The following LINS1 variants were observed in gnomAD, a reference collection of about 807,000 sequenced individuals.
LINS1 encodes lines homolog 1.
LINS1 carries 27 observed loss-of-function variants against 41.6 expected under a neutral mutation model. That is an observed-to-expected ratio of 0.65 (90% confidence interval 0.48 to 0.89). The LOEUF is 0.89. LINS1 is among the 40% of genes least tolerant of loss of function. LINS1 has a pLI of 0.00. For missense variants in LINS1, 955 were observed against 884.1 expected (o/e 1.08, Z -1.02); for synonymous variants, 336 against 312.9 (o/e 1.07, Z -0.78).
intron 1 of LINS1, among the ~76,000 whole-genome samples, chr15:100,593,569 G>C (rs917388428): frequency 5.1e-5 from 7 of 136,822 alleles, no homozygotes; most frequent in African/African-American, 2.6e-5. Flanking sequence ...TGGGGGGGGG[G>C]GGTGCTTAAT....
chr15:100,572,261 G>A (rs2037873310), intron 5 of LINS1, 196 bp from the exon 6 acceptor site: 1 of 1,399,924 alleles, frequency 7.1e-7, no homozygotes, highest in Non-Finnish European at 9.3e-7. Flanking sequence ...GAAAAAAAGT[G>A]ACTCATTCCA....
At chr15:100,583,380 CTGTTTTAGTCCTTTCA>C (rs1161264497) in intron 1 of LINS1, among the ~76,000 whole-genome samples, 2 of 152,238 alleles carry the variant, frequency 1.3e-5, no homozygotes, top group African/African-American at 2.4e-5. Flanking sequence ...CAAAGCTGCC[CTGTTTTAGTCCTTTCA>C]TGGAGAAATA....
intron 3 of LINS1, among the ~76,000 whole-genome samples, chr15:100,578,245 A>T (rs1449514546): frequency 6.6e-6 from 1 of 151,974 alleles, no homozygotes; most frequent in African/African-American, 2.4e-5. Flanking sequence ...ACAACCTACA[A>T]AATGGGAGAA....
intron 3 of LINS1, among the ~76,000 whole-genome samples, chr15:100,575,933 A>C (rs1276263939): frequency 6.6e-6 from 1 of 152,258 alleles, no homozygotes; most frequent in Non-Finnish European, 1.5e-5. Flanking sequence ...TACTGGGTAC[A>C]TAATGAAATG....
intron 5 of LINS1, chr15:100,572,900 G>A: frequency 1.4e-6 from 1 of 693,130 alleles, no homozygotes; most frequent in Non-Finnish European, 1.8e-6. Flanking sequence ...CTAATTGTAT[G>A]AAGGATTAAT....
In LINS1 at chr15:100,601,625, A is replaced by G. The variant is rs77138809; in HGVS notation, c.-104+496T>C. Among the ~76,000 whole-genome samples, 1,513 of 151,962 alleles carry G rather than the reference A, an allele frequency of 1.0e-2. 30 individuals are homozygous for G. The highest frequency in any genetic ancestry group is 0.034 in the African/African-American group (1,429 of 41,428). On this transcript the variant is annotated intron_variant, in intron 1 of 6. Transcript: ENST00000314742. ...CCATTCTGCTTGATTTTCCTCATAT[A>G]ACCCATCCCTATCTGATAATTTTGT... is the stretch of plus-strand genomic sequence containing the variant.
rs529308171 is a variant in LINS1, at chr15:100,574,182, A to G, written c.691T>C (p.Leu231=). 23 of 1,613,738 alleles carry G rather than the reference A, an allele frequency of 1.4e-5. No individual in the cohort carries two copies. The highest frequency in any genetic ancestry group is 1.7e-5 in the Non-Finnish European group (20 of 1,179,674). The change falls in exon 5 of 7, where the codon TTA becomes CTA. Residue 231 remains leucine, a synonymous_variant. Coordinates refer to ENST00000314742, the MANE Select transcript of LINS1 (RefSeq NM_001040616.3). The part of the protein sequence containing the change: ...DTIFEVFYNS[L]FSQHFENCRD... ...CAGTTTTCAAAATGCTGAGAGAATA[A>G]GGAATTGTAAAACACTTCAAAAATG...
intron 3 of LINS1, among the ~76,000 whole-genome samples, chr15:100,575,670 A>G (rs2038128792): frequency 6.6e-6 from 1 of 152,220 alleles, no homozygotes; most frequent in South Asian, 2.1e-4. Flanking sequence ...TGCACCAAGC[A>G]GACCTAATAG....
chr15:100,583,843 A>T (rs1180502541), intron 1 of LINS1, among the ~76,000 whole-genome samples: 1 of 152,188 alleles, frequency 6.6e-6, no homozygotes, highest in Non-Finnish European at 1.5e-5. Flanking sequence ...ATTAGTCTTC[A>T]TGTTCCACCT....
At chr15:100,586,660 A>G (rs566428800) in intron 1 of LINS1, among the ~76,000 whole-genome samples, 2 of 152,370 alleles carry the variant, frequency 1.3e-5, no homozygotes, top group South Asian at 4.1e-4. Context: ...TGTCTAATTC[A>G]GAAGTTATCT....
intron 3 of LINS1, 117 bp from the exon 4 acceptor site, chr15:100,575,245 C>A: frequency 1.3e-6 from 1 of 777,678 alleles, no homozygotes; most frequent in Non-Finnish European, 2.1e-6. Flanking sequence ...ATGTGGCACA[C>A]CGAGAAGGAA....
At chr15:100,573,626 A>G (rs765762468) in intron 5 of LINS1, 25 bp downstream of exon 5, 6 of 1,353,852 alleles carry the variant, frequency 4.4e-6, no homozygotes, top group South Asian at 1.2e-5. Context: ...TACACACTGC[A>G]TACAAAAGGA....
chr15:100,575,119 T>C lies in LINS1; in HGVS notation c.499A>G (p.Ser167Gly). Reference sequence around the variant, plus strand: ...TGGCAAAAAGCAATCCAGGAATTACTTAAGGTTATCTACAAGTGAGAAAAT... The same window carrying C: ...TGGCAAAAAGCAATCCAGGAATTACCTAAGGTTATCTACAAGTGAGAAAAT... ...YFQLREKITL[S>G]NSWIAFCQKN... is the part of the protein sequence containing the mutation. The change falls in exon 4 of 7, where the codon AGT becomes GGT. Residue 167 changes from serine to glycine, a missense_variant. By Grantham distance (56) the Ser-to-Gly change is moderately conservative. Coordinates refer to ENST00000314742, the MANE Select transcript of LINS1 (RefSeq NM_001040616.3). 1 of 1,611,452 alleles carries C rather than the reference T, an allele frequency of 6.2e-7. No homozygotes were observed. Among genetic ancestry groups the C allele is most frequent in the South Asian group, 1.1e-5 (1 of 91,024 alleles).
In LINS1 at chr15:100,571,943, T is replaced by A; in HGVS notation, c.1345A>T (p.Met449Leu). Residue 449 changes from methionine to leucine, a missense_variant, in exon 6 of 7, where the codon ATG becomes TTG. Physicochemically the swap from Met to Leu is conservative, Grantham distance 15. Coordinates refer to ENST00000314742, the MANE Select transcript of LINS1 (RefSeq NM_001040616.3). ...AGTGATGCCTTGGCAGCCTCCAGCATGTCATCGTCTTGTTCTATGAAAACC... is the reference window on the plus strand; with the variant it reads ...AGTGATGCCTTGGCAGCCTCCAGCAAGTCATCGTCTTGTTCTATGAAAACC... ...SRVFIEQDDD[M>L]LEAAKASLGI... 6.2e-7 allele frequency: 1 copy of A among 1,614,258 alleles called. No individual in the cohort carries two copies. The highest frequency in any genetic ancestry group is 1.1e-5 in the South Asian group (1 of 91,092).
chr15:100,601,953 G>C (rs558896324), intron 1 of LINS1, among the ~76,000 whole-genome samples, 168 bp downstream of exon 1: 1 of 152,256 alleles, frequency 6.6e-6, no homozygotes, highest in East Asian at 1.9e-4. Flanking sequence ...GCCAAGACCG[G>C]GCACTTGCGT....
chr15:100,579,568 A>G (rs1227650697), intron 3 of LINS1, among the ~76,000 whole-genome samples: 4 of 152,072 alleles, frequency 2.6e-5, no homozygotes, highest in Non-Finnish European at 5.9e-5. Flanking sequence ...TACTTTGTCT[A>G]TTTTCCAAAT....
chr15:100,573,996 C>G lies in LINS1; in HGVS notation c.877G>C (p.Ala293Pro). The G allele has an allele frequency of 6.2e-7, 1 of 1,614,100 alleles. No individual in the cohort carries two copies. The highest frequency in any genetic ancestry group is 1.1e-5 in the South Asian group (1 of 91,080). Residue 293 changes from alanine to proline, a missense_variant, in exon 5 of 7, where the codon GCT (alanine) becomes CCT (proline). Coordinates refer to ENST00000314742, the MANE Select transcript of LINS1 (RefSeq NM_001040616.3). ...MLEVITWPIQAFVKRKVIIFL... is the reference protein window; with the variant it reads ...MLEVITWPIQPFVKRKVIIFL... ...ATGATGACCTTCCTTTTAACAAAAG[C>G]CTGAATAGGCCAGGTAATAACTTCT...
intron 6 of LINS1, chr15:100,570,534 C>A (rs1426100464): frequency 1.9e-5 from 3 of 157,108 alleles, no homozygotes; most frequent in African/African-American, 7.2e-5. Flanking sequence ...TCTGACAAGG[C>A]TCTGTGACCC....
Position 100,568,942 on chromosome 15 carries a change from G to T in LINS1, c.*296C>A. On this transcript the variant is annotated 3_prime_UTR_variant, in exon 7 of 7. Transcript: ENST00000314742. ...AGTTTGAGACCAGCCTGGCAACATG[G>T]TGAAACCCCCGTCTCTACTAAAAAT... The T allele has an allele frequency of 3.9e-6, 1 of 258,922 alleles. No homozygotes were observed. Among genetic ancestry groups the T allele is most frequent in the Non-Finnish European group, 7.5e-6 (1 of 133,382 alleles). 16.0% of individuals were successfully genotyped at this position (258,922 alleles called of 1,614,324 possible).
Sources: allele counts gnomAD v4.1 joint callset (sites outside exome capture counted in the v4.1 genomes callset), GRCh38; gene constraint gnomAD v4.1.1; transcripts MANE v1.5; gene names NCBI Gene and HGNC (gene_info 2026-07-23, HGNC 2026-07-21).